SUMF1: variants seen among roughly 807,000 people sequenced by gnomAD.
SUMF1 encodes the protein sulfatase modifying factor 1, also known as formylglycine-generating enzyme.
A neutral mutation model predicts 47.6 loss-of-function variants in SUMF1; 48 were observed. The observed-to-expected ratio is 1.01, with a 90% CI of 0.80 to 1.28. SUMF1 has a LOEUF of 1.28. SUMF1 is among the 50% of genes most tolerant of loss of function. The pLI is 0.00. For missense variants in SUMF1, 571 were observed against 485.4 expected, an observed-to-expected ratio of 1.18 and a Z score of -1.66; for synonymous variants, 230 against 192.1, an observed-to-expected ratio of 1.20 and a Z score of -1.63.
chr3:4,086,795 A>G (rs1422695873), intron 8 of SUMF1, among the ~76,000 whole-genome samples: 1 of 152,048 alleles, frequency 6.6e-6, no homozygotes, highest in Non-Finnish European at 1.5e-5. Context: ...ATGGTAGTGA[A>G]TAAGTCTCAT....
downstream of SUMF1, among the ~76,000 whole-genome samples, chr3:4,357,707 C>A (rs1198778568): frequency 6.6e-6 from 1 of 151,888 alleles, no homozygotes; most frequent in Non-Finnish European, 1.5e-5. Context: ...CTCCCGACTT[C>A]AATTGATTCT....
chr3:4,235,942 T>A (rs541641113), intron 8 of SUMF1, among the ~76,000 whole-genome samples: 82 of 152,138 alleles, frequency 5.4e-4, no homozygotes, highest in African/African-American at 1.9e-3. Flanking sequence ...TCTATACCAA[T>A]GTGTACAATA....
chr3:4,329,422 C>A (rs1202777898), intron 8 of SUMF1, among the ~76,000 whole-genome samples: 3 of 152,254 alleles, frequency 2.0e-5, no homozygotes, highest in African/African-American at 7.2e-5. Flanking sequence ...TTCTTGACTT[C>A]TGTGTACCCA....
intron 8 of SUMF1, among the ~76,000 whole-genome samples, chr3:4,090,485 C>T (rs1327871849): frequency 1.3e-5 from 2 of 152,066 alleles, no homozygotes; most frequent in East Asian, 3.9e-4. Flanking sequence ...TAGGCTCCAG[C>T]CACCCATGAC....
chr3:4,319,753 C>T (rs1474058188), intron 8 of SUMF1, among the ~76,000 whole-genome samples: 2 of 152,174 alleles, frequency 1.3e-5, no homozygotes, highest in Non-Finnish European at 2.9e-5. Context: ...CTTGAAGCAA[C>T]ACACATTTCT....
intron 8 of SUMF1, among the ~76,000 whole-genome samples, chr3:4,308,363 T>C (rs984877481): frequency 6.6e-6 from 1 of 152,152 alleles, no homozygotes; most frequent in Non-Finnish European, 1.5e-5. Flanking sequence ...AAGCCAGTTC[T>C]GTCATGTTTT....
chr3:4,124,462 A>G, intron 8 of SUMF1, among the ~76,000 whole-genome samples: 1 of 152,114 alleles, frequency 6.6e-6, no homozygotes, highest in East Asian at 1.9e-4. Flanking sequence ...GTAAAATTTT[A>G]ATTGTTCTAA....
At chr3:4,366,786 G>A (rs7373135) in intron 8 of SUMF1, among the ~76,000 whole-genome samples, 1 of 150,872 alleles carries the variant, frequency 6.6e-6, no homozygotes, top group East Asian at 1.9e-4. Flanking sequence ...GAGGAGGAGA[G>A]GCGCTCTGCT....
At chr3:4,416,932 T>C (rs1379215087) in intron 6 of SUMF1, among the ~76,000 whole-genome samples, 196 bp downstream of exon 6, 1 of 152,230 alleles carries the variant, frequency 6.6e-6, no homozygotes, top group Non-Finnish European at 1.5e-5. Context: ...GTAAGTATTA[T>C]GGAATCAGAA....
At chr3:4,316,190 T>C (rs1158191583) in intron 8 of SUMF1, 3 of 665,836 alleles carry the variant, frequency 4.5e-6, no homozygotes, top group Non-Finnish European at 5.4e-6. Context: ...GACATCTTAC[T>C]TGCTGTTTAT....
intron 8 of SUMF1, among the ~76,000 whole-genome samples, chr3:4,104,668 C>A (rs1013809629): frequency 7.0e-6 from 1 of 143,694 alleles, no homozygotes; most frequent in African/African-American, 2.6e-5. Context: ...ATCTCGATTT[C>A]TCTCTCTCTC....
intron 6 of SUMF1, among the ~76,000 whole-genome samples, chr3:4,416,389 T>G (rs556922107): frequency 6.6e-6 from 1 of 152,304 alleles, no homozygotes; most frequent in African/African-American, 2.4e-5. Context: ...AGACAATGTA[T>G]TTGTGGCATA....
intron 8 of SUMF1, among the ~76,000 whole-genome samples, chr3:4,255,656 A>G (rs542645505): frequency 7.2e-6 from 1 of 138,160 alleles, no homozygotes; most frequent in Admixed American, 7.2e-5. Context: ...ACTACCACAC[A>G]TTAATAATGG....
chr3:4,053,570 C>A (rs1695148046), intron 9 of SUMF1, among the ~76,000 whole-genome samples: 3 of 152,090 alleles, frequency 2.0e-5, no homozygotes, highest in Non-Finnish European at 2.9e-5. Flanking sequence ...ATGAGGAATT[C>A]ACAAATATGC....
intron 8 of SUMF1, among the ~76,000 whole-genome samples, chr3:4,296,113 C>T (rs905768079): frequency 6.0e-5 from 9 of 150,548 alleles, no homozygotes; most frequent in Non-Finnish European, 1.3e-4. Flanking sequence ...TATGCCTTTG[C>T]TTTTTTAAAA....
chr3:4,393,599 C>G (rs1245982375), intron 7 of SUMF1, among the ~76,000 whole-genome samples: 1 of 152,044 alleles, frequency 6.6e-6, no homozygotes, highest in Non-Finnish European at 1.5e-5. Context: ...TCCCAAAGCA[C>G]TGGTATTACA....
At chr3:4,312,914 T>C (rs1178719509) in intron 8 of SUMF1, 1 of 1,611,986 alleles carries the variant, frequency 6.2e-7, no homozygotes, top group Non-Finnish European at 8.5e-7. Context: ...CCTGATCATG[T>C]AGTTGGACCT....
intron 8 of SUMF1, among the ~76,000 whole-genome samples, chr3:4,319,927 A>C (rs1698788910): frequency 6.6e-6 from 1 of 152,192 alleles, no homozygotes; most frequent in Non-Finnish European, 1.5e-5. Flanking sequence ...ATATGAGTCC[A>C]ACTATATGAC....
At chr3:4,068,323 A>G (rs933112359) in intron 9 of SUMF1, among the ~76,000 whole-genome samples, 12 of 152,208 alleles carry the variant, frequency 7.9e-5, no homozygotes, top group African/African-American at 2.9e-4. Flanking sequence ...AACCTCCAGA[A>G]AGAGCAATCT....
Sources: allele counts gnomAD v4.1 joint callset (sites outside exome capture counted in the v4.1 genomes callset), GRCh38; gene constraint gnomAD v4.1.1; transcripts MANE v1.5; gene names NCBI Gene and HGNC (gene_info 2026-07-23, HGNC 2026-07-21).